PEAK1: variants seen among roughly 807,000 people sequenced by gnomAD.
PEAK1 encodes the protein inactive tyrosine-protein kinase PEAK1.
A neutral mutation model predicts 124.7 loss-of-function variants in PEAK1; 54 were observed. The observed-to-expected ratio is 0.43, with a 90% CI of 0.35 to 0.54. PEAK1 has a LOEUF of 0.54. Ranked by LOEUF, PEAK1 falls within the 20% of genes least tolerant of loss-of-function variation. The pLI is 0.01. For missense variants in PEAK1, 2,046 were observed against 2,134.5 expected, an observed-to-expected ratio of 0.96 and a Z score of 0.82; for synonymous variants, 719 against 760.0, an observed-to-expected ratio of 0.95 and a Z score of 0.89.
chr15:77,302,100 T>A (rs554684715), intron 2 of PEAK1, among the ~76,000 whole-genome samples: 1 of 152,036 alleles, frequency 6.6e-6, no homozygotes, highest in Non-Finnish European at 1.5e-5. Context: ...GCTCCATACA[T>A]CTTGTATATT....
At chr15:77,105,548 G>A (rs1467575386), downstream of PEAK1, 1 of 152,206 alleles carries the variant, frequency 6.6e-6, no homozygotes, top group Non-Finnish European at 1.5e-5. Context: ...ATTGCCTTGA[G>A]CTGCTCTTAA....
At chr15:77,239,690 C>T (rs1257069433) in intron 6 of PEAK1, 1 of 293,752 alleles carries the variant, frequency 3.4e-6, no homozygotes, top group Non-Finnish European at 5.1e-6. Flanking sequence ...AAATTTAATT[C>T]CAGATGTCAC....
chr15:77,336,463 A>G (rs956836093), intron 2 of PEAK1: 2 of 985,268 alleles, frequency 2.0e-6, no homozygotes, highest in African/African-American at 3.5e-5. Flanking sequence ...ATTCACACAT[A>G]AATAATTTGG....
downstream of PEAK1, chr15:77,106,992 C>G (rs1292938151): frequency 1.3e-5 from 2 of 152,148 alleles, no homozygotes; most frequent in Non-Finnish European, 2.9e-5. Flanking sequence ...AATTTAATCA[C>G]TCAGTCAGTA....
intron 2 of PEAK1, among the ~76,000 whole-genome samples, chr15:77,295,899 G>A (rs2063461943): frequency 2.0e-5 from 3 of 152,124 alleles, no homozygotes; most frequent in African/African-American, 7.2e-5. Context: ...CTTCAACAGT[G>A]AATATTTCTT....
At chr15:77,413,273 G>A (rs2072561914) in intron 1 of PEAK1, among the ~76,000 whole-genome samples, 1 of 152,200 alleles carries the variant, frequency 6.6e-6, no homozygotes, top group South Asian at 2.1e-4. Flanking sequence ...CCTCCAGGAA[G>A]TGGAGTTTAA....
chr15:77,351,890 G>A lies in PEAK1; in HGVS notation c.-603+13273C>T, dbSNP rs541657112. 4.9e-3 allele frequency: 4,786 copies of A among 985,368 alleles called. 16 individuals are homozygous for A. The highest frequency in any genetic ancestry group is 5.5e-3 in the Non-Finnish European group (4,526 of 829,922). 61.0% of individuals were successfully genotyped at this position (985,368 alleles called of 1,614,324 possible). A position where few individuals can be genotyped will look rare whatever the true frequency, so the allele number is the denominator to read the frequency against. On this transcript the variant is annotated intron_variant, in intron 2 of 9. Coordinates refer to ENST00000682557, the MANE Select transcript of PEAK1 (RefSeq NM_001385026.1). ...AAAAGGACAGACCAGAAAGAATAAA[G>A]TCTAAAGGTAATGAAGTCTGGTAGA... is the stretch of plus-strand genomic sequence containing the variant.
chr15:77,418,671 T>A, intron 1 of PEAK1: 1 of 985,448 alleles, frequency 1.0e-6, no homozygotes. Context: ...CTAGAAATGC[T>A]CTGAGATTAC....
At chr15:77,323,834 T>G (rs571428664) in intron 2 of PEAK1, among the ~76,000 whole-genome samples, 4 of 152,314 alleles carry the variant, frequency 2.6e-5, no homozygotes, top group African/African-American at 7.2e-5. Flanking sequence ...AAGTCAATCC[T>G]AAGCCAAAAG....
intron 9 of PEAK1, among the ~76,000 whole-genome samples, chr15:77,124,735 C>T (rs2052225120): frequency 6.6e-6 from 1 of 152,182 alleles, no homozygotes; most frequent in African/African-American, 2.4e-5. Flanking sequence ...TACTTAGTGG[C>T]TTCCCACAAA....
intron 2 of PEAK1, among the ~76,000 whole-genome samples, chr15:77,328,796 C>T (rs1043550545): frequency 1.7e-4 from 26 of 152,074 alleles, no homozygotes; most frequent in African/African-American, 6.3e-4. Flanking sequence ...GTTTTTGGAG[C>T]AAAGGAATTA....
intron 1 of PEAK1, among the ~76,000 whole-genome samples, chr15:77,413,948 T>G (rs533118732): frequency 1.3e-5 from 2 of 152,142 alleles, no homozygotes; most frequent in South Asian, 4.1e-4. Context: ...CTCAGCCTCC[T>G]AAGTAGCTAG....
chr15:77,343,482 CTTTTTTT>C (rs60121928), intron 2 of PEAK1, among the ~76,000 whole-genome samples: 19 of 97,950 alleles, frequency 1.9e-4, no homozygotes, highest in African/African-American at 5.4e-4. Context: ...GTCCAACTTA[CTTTTTTT>C]TTTTTTTTTT....
At chr15:77,227,215 T>C in intron 6 of PEAK1, among the ~76,000 whole-genome samples, 1 of 152,224 alleles carries the variant, frequency 6.6e-6, no homozygotes, top group East Asian at 1.9e-4. Context: ...GTTTATCATT[T>C]TGTAATTACT....
At chr15:77,164,943 G>A (rs886926344) in intron 7 of PEAK1, among the ~76,000 whole-genome samples, 3 of 149,676 alleles carry the variant, frequency 2.0e-5, no homozygotes, top group African/African-American at 4.9e-5. Context: ...CGCTCTTGTC[G>A]CCCAGGGTGG....
intron 7 of PEAK1, among the ~76,000 whole-genome samples, chr15:77,170,749 A>G (rs1408500001): frequency 1.3e-5 from 2 of 152,182 alleles, no homozygotes; most frequent in African/African-American, 4.8e-5. Context: ...TGGTATAGGT[A>G]GGGAAACTTT....
Position 77,110,507 on chromosome 15 carries a change from T to C in PEAK1, c.*3649A>G, listed in dbSNP as rs909270508. On this transcript the variant is annotated 3_prime_UTR_variant, in exon 10 of 10. Coordinates refer to ENST00000682557, the MANE Select transcript of PEAK1 (RefSeq NM_001385026.1). ...TCTCTTGGCTTAGACTTTCCCATGT[T>C]TACAAACTTATTCTGAGTTTGGAAG... The C allele has an allele frequency of 6.6e-6, 1 of 152,222 alleles. No homozygotes were observed. Among genetic ancestry groups the C allele is most frequent in the Non-Finnish European group, 1.5e-5 (1 of 68,034 alleles). The allele number at this position is 152,222 out of a possible 1,614,324, so 9.4% of individuals were successfully genotyped here.
chr15:77,371,614 G>A (rs1350063405), intron 1 of PEAK1, among the ~76,000 whole-genome samples: 1 of 152,162 alleles, frequency 6.6e-6, no homozygotes, highest in Admixed American at 6.5e-5. Context: ...GAAGCTGGGC[G>A]CAGTGGCTCA....
intron 4 of PEAK1, among the ~76,000 whole-genome samples, chr15:77,284,412 T>C (rs2062818595): frequency 6.6e-6 from 1 of 152,186 alleles, no homozygotes; most frequent in East Asian, 1.9e-4. Flanking sequence ...TCTTCTCACC[T>C]TACAAAATGT....
Sources: gnomAD v4.1 joint callset for allele counts (sites outside exome capture counted in the v4.1 genomes callset) on GRCh38, gnomAD v4.1.1 for gene constraint, MANE v1.5 for transcripts, NCBI Gene and HGNC (gene_info 2026-07-23, HGNC 2026-07-21) for gene names.